Variants in RPL4 observed in about 807,000 individuals in gnomAD.
RPL4 encodes the protein ribosomal protein L4.
RPL4 carries 3 observed loss-of-function variants against 47.7 expected under a neutral mutation model. The observed-to-expected ratio is 0.06, with a 90% CI of 0.03 to 0.16. RPL4 has a LOEUF of 0.16. RPL4 is among the 10% of genes least tolerant of loss of function. The pLI, the probability that RPL4 is intolerant of heterozygous loss-of-function variation, is 1.00. For synonymous variants in RPL4, 208 were observed against 182.1 expected (o/e 1.14, Z -1.15); for missense variants, 413 against 551.3 (o/e 0.75, Z 2.51).
chr15:66,503,785 A>T (rs1893681573), intron 1 of RPL4, among the ~76,000 whole-genome samples: 1 of 152,234 alleles, frequency 6.6e-6, no homozygotes, highest in African/African-American at 2.4e-5. Flanking sequence ...TAGCTAAATC[A>T]AAACCATATT....
In RPL4 at chr15:66,501,451, G is replaced by C; in HGVS notation, c.600C>G (p.Arg200=). The C allele has an allele frequency of 6.2e-7, 1 of 1,614,130 alleles. No individual in the cohort carries two copies. Among genetic ancestry groups the C allele is most frequent in the South Asian group, 1.1e-5 (1 of 91,074 alleles). The change falls in exon 6 of 10, where the codon CGC becomes CGG. Residue 200 remains arginine (R), a synonymous_variant. Coordinates refer to ENST00000307961, the MANE Select transcript of RPL4 (RefSeq NM_000968.4). The part of the protein sequence containing the change: ...RAGKGKMRNR[R]RIQRRGPCII... The stretch of plus-strand genomic sequence containing the variant: ...TGCACGGGCCCCTGCGCTGGATACG[G>C]CGACGGTTTCTCATTTTGCCTTTGC...
intron 7 of RPL4, 70 bp downstream of exon 7, chr15:66,500,879 A>G: frequency 6.5e-7 from 1 of 1,540,846 alleles, no homozygotes; most frequent in South Asian, 1.2e-5. Flanking sequence ...TTTAGAAAAC[A>G]TGTAAGCCAA....
Position 66,499,146 on chromosome 15 carries a change from G to T in RPL4, c.*261C>A. 2 of 378,132 alleles carry T rather than the reference G, an allele frequency of 5.3e-6. No individual in the cohort carries two copies. Among genetic ancestry groups the T allele is most frequent in the Non-Finnish European group, 9.5e-6 (2 of 211,574 alleles). 23.4% of individuals were successfully genotyped at this position (378,132 alleles called of 1,614,324 possible). A position where few individuals can be genotyped will look rare whatever the true frequency, so the allele number is the denominator to read the frequency against. Reference sequence around the variant, plus strand: ...CCTATTTTTCAAGCCACATTATTTAGAAAACCACAACTTTTTTTAAATCAT... The same window carrying T: ...CCTATTTTTCAAGCCACATTATTTATAAAACCACAACTTTTTTTAAATCAT... On this transcript the variant is annotated 3_prime_UTR_variant, in exon 10 of 10. Coordinates refer to ENST00000307961, the MANE Select transcript of RPL4 (RefSeq NM_000968.4).
intron 9 of RPL4, 139 bp downstream of exon 9, chr15:66,499,917 G>C: frequency 8.8e-7 from 1 of 1,134,228 alleles, no homozygotes. Context: ...CAGCTACTTG[G>C]GAGGCTGAGA....
At chr15:66,503,562 C>A in intron 1 of RPL4, 33 bp from the exon 2 acceptor site, 1 of 1,561,916 alleles carries the variant, frequency 6.4e-7, no homozygotes, top group Non-Finnish European at 8.7e-7. Flanking sequence ...TTTTTATTGA[C>A]AAGTAATGTT....
Position 66,504,802 on chromosome 15 carries a change from G to C in RPL4, c.-12C>G, listed in dbSNP as rs745911727. 6.2e-7 allele frequency: 1 copy of C among 1,611,740 alleles called. No individual in the cohort carries two copies. Among genetic ancestry groups the C allele is most frequent in the South Asian group, 1.1e-5 (1 of 90,696 alleles). The stretch of plus-strand genomic sequence containing the variant: ...CTTCCACTCACCATGGCGGAGAGAG[G>C]AGACAGCCACGCTCCTCTCAGCCCG... On this transcript the variant is annotated 5_prime_UTR_variant, in exon 1 of 10. Coordinates refer to ENST00000307961, the MANE Select transcript of RPL4 (RefSeq NM_000968.4).
intron 9 of RPL4, 164 bp from the exon 10 acceptor site, chr15:66,499,816 G>C: frequency 9.9e-7 from 1 of 1,005,356 alleles, no homozygotes; most frequent in South Asian, 1.7e-5. Flanking sequence ...CTGAGGTCAG[G>C]AGTTTGAGAC....
intron 7 of RPL4, 196 bp downstream of exon 7, chr15:66,500,753 G>T: frequency 3.1e-6 from 2 of 644,138 alleles, no homozygotes; most frequent in Non-Finnish European, 5.3e-6. Flanking sequence ...CTACACTCCA[G>T]CGTGGGTGAG....
At chr15:66,504,652 A>C (rs1427813470) in intron 1 of RPL4, 136 bp downstream of exon 1, 23 of 1,310,348 alleles carry the variant, frequency 1.8e-5, no homozygotes, top group Non-Finnish European at 2.4e-5. Context: ...CCAGTTCCAC[A>C]CCAGAAAAAG....
At position 66,499,464 on chromosome 15, in the gene RPL4, AG is replaced by A; in HGVS notation, c.1226del (p.Pro409LeufsTer28). 1 of 1,611,926 alleles carries A rather than the reference AG, an allele frequency of 6.2e-7. No homozygotes were observed. The highest frequency in any genetic ancestry group is 8.5e-7 in the Non-Finnish European group (1 of 1,179,840). On this transcript the variant is annotated frameshift_variant, in exon 10 of 10. Transcript: ENST00000307961. LOFTEE classifies it high-confidence loss of function. ...KKAAATKKPAPEKKPAEKKPT... is the reference protein window; with the variant it reads ...KKAAATKKPAXEKKPAEKKPT... ...GTTTCTTCTCTGCAGGCTTCTTTTC[AG>A]GGGCTGGTTTCTTGGTAGCTGCTGC...
Position 66,500,883 on chromosome 15 carries a change from A to C in RPL4, c.833+66T>G, listed in dbSNP as rs1022905021. ...ATGGGAATAAATTTAGAAAACATGTAAGCCAATTCTGAATGTTAATATCCA... is the reference window on the plus strand; with the variant it reads ...ATGGGAATAAATTTAGAAAACATGTCAGCCAATTCTGAATGTTAATATCCA... On this transcript the variant is annotated intron_variant, in intron 7 of 9. Coordinates refer to ENST00000307961, the MANE Select transcript of RPL4 (RefSeq NM_000968.4). The C allele has an allele frequency of 2.0e-5, 31 of 1,547,500 alleles. No individual in the cohort carries two copies. The African/African-American group carries it at 4.3e-4, about 21-fold the overall frequency.
At chr15:66,504,397 G>A (rs1893705546) in intron 1 of RPL4, among the ~76,000 whole-genome samples, 1 of 152,174 alleles carries the variant, frequency 6.6e-6, no homozygotes, top group Admixed American at 6.5e-5. Context: ...AGTTGGCTAA[G>A]GATTCAAAGA....
At position 66,499,420 on chromosome 15, in the gene RPL4, T is replaced by G. The variant is rs1245825812; in HGVS notation, c.1271A>C (p.Lys424Thr). Reference protein sequence around the residue: ...AEKKPTTEEKKPAA With the variant: ...AEKKPTTEEKTPAA ...AAATTTAAGAGTTTATGCAGCAGGC[T>G]TCTTCTCCTCTGTAGTAGGTTTCTT... Residue 424 changes from lysine to threonine, a missense_variant, in exon 10 of 10, where the codon AAG becomes ACG. This residue lies in a region of RPL4 where 134 missense variants were observed against 122.7 expected (regional missense o/e 1.09). Coordinates refer to ENST00000307961, the MANE Select transcript of RPL4 (RefSeq NM_000968.4). 1 of 1,607,350 alleles carries G rather than the reference T, an allele frequency of 6.2e-7. No individual in the cohort carries two copies. The highest frequency in any genetic ancestry group is 8.5e-7 in the Non-Finnish European group (1 of 1,178,722).
intron 1 of RPL4, among the ~76,000 whole-genome samples, 153 bp from the exon 2 acceptor site, chr15:66,503,682 G>C (rs1046845793): frequency 1.3e-5 from 2 of 152,176 alleles, no homozygotes; most frequent in African/African-American, 4.8e-5. Flanking sequence ...TAAATGACTA[G>C]AACCCTTAGA....
At position 66,501,517 on chromosome 15, in the gene RPL4, C is replaced by A. The variant is rs190816592; in HGVS notation, c.547-13G>T. On this transcript the variant is annotated splice_polypyrimidine_tract_variant and intron_variant, in intron 5 of 9. Coordinates refer to ENST00000307961, the MANE Select transcript of RPL4 (RefSeq NM_000968.4). ...GAGAGGCATAGACCTACAAAGTGAG[C>A]AGTTTTAGTATTCTGATTAAGATAG... 158 of 1,613,822 alleles carry A rather than the reference C, an allele frequency of 9.8e-5. No individual in the cohort carries two copies. In the African/African-American group the frequency reaches 1.9e-3, roughly 20 times the overall value.
Position 66,502,694 on chromosome 15 carries a change from A to G in RPL4, c.339T>C (p.Arg113=), listed in dbSNP as rs768689952. The change falls in exon 4 of 10, where the codon CGT becomes CGC. Residue 113 remains arginine, a synonymous_variant. Transcript: ENST00000307961. The stretch of plus-strand genomic sequence containing the variant: ...ATCGTTTTTGGGTTGTGTTCACTCT[A>G]CGATGCCAACGGCGCCAGGTTTTGG... The part of the protein sequence containing the change: ...APTKTWRRWH[R]RVNTTQKRYA... The G allele has an allele frequency of 5.6e-6, 9 of 1,614,004 alleles. No homozygotes were observed. Among genetic ancestry groups the G allele is most frequent in the Non-Finnish European group, 5.1e-6 (6 of 1,179,940 alleles).
At position 66,503,607 on chromosome 15, in the gene RPL4, T is replaced by A. The variant is rs1595897059; in HGVS notation, c.4-78A>T. 1.1e-5 allele frequency: 15 copies of A among 1,412,906 alleles called. No individual in the cohort carries two copies. The East Asian group carries it at 3.6e-4, about 34-fold the overall frequency. 87.5% of individuals were successfully genotyped at this position (1,412,906 alleles called of 1,614,324 possible). ...CTCTTCTCATACGCCAACAATACCA[T>A]TAAATACTCAATTGCAGAAGAGACT... is the stretch of plus-strand genomic sequence containing the variant. On this transcript the variant is annotated intron_variant, in intron 1 of 9. Coordinates refer to ENST00000307961, the MANE Select transcript of RPL4 (RefSeq NM_000968.4).
In RPL4 at chr15:66,500,348, C is replaced by G; in HGVS notation, c.862G>C (p.Asp288His). ...GGGCTTTTCAAGATTCTGCTAAGAT[C>G]TGTATTAATCATCTTGTGCATGGGA... The part of the protein sequence containing the change: ...NLPMHKMINT[D>H]LSRILKSPEI... Residue 288 changes from aspartate to histidine, a missense_variant, in exon 8 of 10, where the codon GAT becomes CAT. Transcript: ENST00000307961. 1 of 1,614,066 alleles carries G rather than the reference C, an allele frequency of 6.2e-7. No individual in the cohort carries two copies. Among genetic ancestry groups the G allele is most frequent in the South Asian group, 1.1e-5 (1 of 91,074 alleles).
In RPL4 at chr15:66,501,769, A is replaced by G. The variant is rs764484864; in HGVS notation, c.546+19T>C. ...GTGAACAAGGAGTACCAAACTGTAA[A>G]TGTGCTCATTGAACGGACCTTTTTG... On this transcript the variant is annotated intron_variant, in intron 5 of 9. Coordinates refer to ENST00000307961, the MANE Select transcript of RPL4 (RefSeq NM_000968.4). 1.2e-6 allele frequency: 2 copies of G among 1,606,460 alleles called. No individual in the cohort carries two copies. The highest frequency in any genetic ancestry group is 1.7e-6 in the Non-Finnish European group (2 of 1,178,360).
Sources: allele counts gnomAD v4.1 joint callset (sites outside exome capture counted in the v4.1 genomes callset), GRCh38; gene constraint gnomAD v4.1.1; regional missense constraint gnomAD v4.1.1; transcripts MANE v1.5; gene names NCBI Gene and HGNC (gene_info 2026-07-23, HGNC 2026-07-21).